The following MYRFL variants were observed in gnomAD, a reference collection of about 807,000 sequenced individuals.
MYRFL encodes the protein myelin regulatory factor-like protein.
In MYRFL, 88 loss-of-function variants were observed where a neutral mutation model predicts 109.4. The ratio of observed to expected loss-of-function variants is 0.80; its 90% CI spans 0.68 to 0.96. The LOEUF (loss-of-function observed/expected upper bound fraction) is 0.96, where lower values mean the gene tolerates loss of function less well. Among genes scored for constraint, MYRFL ranks in the 40% least tolerant of loss-of-function variants. The pLI is 0.00. For synonymous variants in MYRFL, 324 were observed against 320.9 expected, an observed-to-expected ratio of 1.01 and a Z score of -0.10; for missense variants, 957 against 954.9, an observed-to-expected ratio of 1.00 and a Z score of -0.03.
chr12:69,886,969 C>T lies in MYRFL; in HGVS notation c.706C>T (p.Leu236=). 6.5e-7 allele frequency: 1 copy of T among 1,535,776 alleles called. No individual in the cohort carries two copies. The highest frequency in any genetic ancestry group is 8.7e-7 in the Non-Finnish European group (1 of 1,146,646). The change falls in exon 6 of 25, where the codon CTA becomes TTA. Residue 236 remains leucine, a splice_region_variant and synonymous_variant. Coordinates refer to ENST00000552032, the MANE Select transcript of MYRFL (RefSeq NM_182530.3). ...CTTATTAAACAGTCATTATGAAAAA[C>T]TGTAAGTGGCTTGAGTGGGCTGGAG... ...HSLLNSHYEK[L]PDVGYRVVTD...
intron 19 of MYRFL, among the ~76,000 whole-genome samples, chr12:69,943,905 T>A (rs1310115954): frequency 6.6e-6 from 1 of 151,866 alleles, no homozygotes; most frequent in Non-Finnish European, 1.5e-5. Context: ...AAAGAAGACA[T>A]TTATGCAGCC....
intron 15 of MYRFL, among the ~76,000 whole-genome samples, chr12:69,931,432 G>T (rs548695825): frequency 1.7e-4 from 26 of 152,144 alleles, no homozygotes; most frequent in Non-Finnish European, 2.8e-4. Context: ...CTAAGGGTCT[G>T]TGTACTTGGT....
At chr12:69,871,026 G>T (rs1885320290) in intron 2 of MYRFL, among the ~76,000 whole-genome samples, 1 of 152,040 alleles carries the variant, frequency 6.6e-6, no homozygotes. Flanking sequence ...ACTGCCTAGA[G>T]CCTTAAATGT....
chr12:69,943,315 G>T (rs1248923303), intron 19 of MYRFL, among the ~76,000 whole-genome samples: 1 of 149,148 alleles, frequency 6.7e-6, no homozygotes, highest in Admixed American at 6.6e-5. Context: ...AAACAGCATG[G>T]TACTGGTACC....
chr12:69,895,519 T>A (rs1423165039), intron 9 of MYRFL, 38 bp downstream of exon 9: 1 of 1,510,440 alleles, frequency 6.6e-7, no homozygotes, highest in Non-Finnish European at 8.9e-7. Flanking sequence ...TGTGGCTGGG[T>A]ACTTTATCTG....
At chr12:69,916,340 A>T (rs1415387589) in intron 13 of MYRFL, among the ~76,000 whole-genome samples, 3 of 152,128 alleles carry the variant, frequency 2.0e-5, no homozygotes, top group Non-Finnish European at 4.4e-5. Context: ...CACGGGTGGA[A>T]AAGAAGGGGG....
intron 2 of MYRFL, among the ~76,000 whole-genome samples, chr12:69,877,759 C>T (rs1367179910): frequency 1.3e-5 from 2 of 152,140 alleles, no homozygotes; most frequent in Admixed American, 1.3e-4. Context: ...GCAAGCTTTT[C>T]ATCGTATTAT....
intron 2 of MYRFL, among the ~76,000 whole-genome samples, chr12:69,876,369 T>TTTTTG (rs1335503429): frequency 1.3e-5 from 2 of 152,166 alleles, no homozygotes; most frequent in African/African-American, 4.8e-5. Context: ...TAGGTGGTGT[T>TTTTTG]TTTTGTTTTG....
At chr12:69,851,885 C>T (rs771602108) in intron 1 of MYRFL, among the ~76,000 whole-genome samples, 1 of 152,182 alleles carries the variant, frequency 6.6e-6, no homozygotes, top group Non-Finnish European at 1.5e-5. Context: ...TGGTCTCCAA[C>T]TCCTGAGTTC....
In MYRFL at chr12:69,927,795, A is replaced by C. The variant is rs774274483; in HGVS notation, c.1830+47A>C. The C allele has an allele frequency of 6.1e-6, 9 of 1,470,642 alleles. No individual in the cohort carries two copies. In the South Asian group the frequency reaches 6.4e-5, roughly 11 times the overall value. The allele number at this position is 1,470,642 out of a possible 1,614,324, so 91.1% of individuals were successfully genotyped here. ...GAAAGGAAATGATGTTTTCTACTTAAAAAGTCTTTAGAGAAATCAGTCAAG... is the reference window on the plus strand; with the variant it reads ...GAAAGGAAATGATGTTTTCTACTTACAAAGTCTTTAGAGAAATCAGTCAAG... On this transcript the variant is annotated intron_variant, in intron 15 of 24. Transcript: ENST00000552032.
At chr12:69,839,084 G>A (rs542577309) in intron 1 of MYRFL, among the ~76,000 whole-genome samples, 4 of 152,240 alleles carry the variant, frequency 2.6e-5, no homozygotes, top group South Asian at 2.1e-4. Context: ...TTTAGTAACC[G>A]TAATGCTAAA....
chr12:69,898,350 A>G (rs1954071187), intron 10 of MYRFL, among the ~76,000 whole-genome samples: 1 of 152,162 alleles, frequency 6.6e-6, no homozygotes, highest in South Asian at 2.1e-4. Flanking sequence ...GAGGTAAAAC[A>G]CGTATGTGTT....
chr12:69,923,251 A>T (rs557690927), intron 13 of MYRFL, among the ~76,000 whole-genome samples: 1 of 152,292 alleles, frequency 6.6e-6, no homozygotes, highest in East Asian at 1.9e-4. Flanking sequence ...ATATTGAAAG[A>T]TGTTCCAGGT....
chr12:69,834,292 G>A (rs1882809260), intron 1 of MYRFL, among the ~76,000 whole-genome samples: 1 of 152,174 alleles, frequency 6.6e-6, no homozygotes, highest in South Asian at 2.1e-4. Context: ...TCTGAAGAGA[G>A]CATCATGTGA....
chr12:69,879,592 C>A (rs1344866728), intron 4 of MYRFL, 139 bp downstream of exon 4: 1 of 578,050 alleles, frequency 1.7e-6, no homozygotes, highest in Non-Finnish European at 3.1e-6. Context: ...TAGGACATCG[C>A]GAGGTCCCAG....
chr12:69,903,629 T>C lies in MYRFL; in HGVS notation c.1183-15T>C. On this transcript the variant is annotated splice_polypyrimidine_tract_variant and intron_variant, in intron 10 of 24. Coordinates refer to ENST00000552032, the MANE Select transcript of MYRFL (RefSeq NM_182530.3). ...ACTGTTACTTTAATTGTAATATATT[T>C]ATGTATTTTTCCAGGCCTCTAACCC... is the stretch of plus-strand genomic sequence containing the variant. 1 of 1,535,194 alleles carries C rather than the reference T, an allele frequency of 6.5e-7. No individual in the cohort carries two copies. Among genetic ancestry groups the C allele is most frequent in the Non-Finnish European group, 8.7e-7 (1 of 1,146,194 alleles).
intron 21 of MYRFL, among the ~76,000 whole-genome samples, chr12:69,953,764 G>GACACACACACAC (rs143170206): frequency 0.036 from 5,158 of 144,182 alleles, 115 homozygotes; most frequent in Admixed American, 0.04. Flanking sequence ...GTGCAACCCG[G>GACACACACACAC]ACACACACAC....
chr12:69,862,501 C>A (rs1295854629), intron 2 of MYRFL, among the ~76,000 whole-genome samples: 7 of 150,436 alleles, frequency 4.7e-5, no homozygotes, highest in Non-Finnish European at 1.5e-5. Flanking sequence ...ATTTTATTCT[C>A]TTTGAAGCAA....
chr12:69,911,956 C>CT (rs1954584857), intron 13 of MYRFL, among the ~76,000 whole-genome samples: 3 of 152,190 alleles, frequency 2.0e-5, no homozygotes, highest in African/African-American at 7.2e-5. Flanking sequence ...TCCTGCAATT[C>CT]CAACCAGCCT....
Sources: allele counts gnomAD v4.1 joint callset (sites outside exome capture counted in the v4.1 genomes callset), GRCh38; gene constraint gnomAD v4.1.1; transcripts MANE v1.5; gene names NCBI Gene and HGNC (gene_info 2026-07-23, HGNC 2026-07-21).